Variants in BANK1 observed in about 807,000 individuals in gnomAD.
The protein encoded by BANK1 is B cell scaffold protein with ankyrin repeats 1.
In BANK1, 95 loss-of-function variants were observed where a neutral mutation model predicts 94.5. The ratio of observed to expected loss-of-function variants is 1.00; its 90% CI spans 0.85 to 1.19. The LOEUF is 1.19. Among genes scored for constraint, BANK1 ranks in the 50% most tolerant of loss-of-function variants. The pLI is 0.00. For synonymous variants in BANK1, 334 were observed against 308.4 expected, an observed-to-expected ratio of 1.08 and a Z score of -0.87; for missense variants, 987 against 932.2, an observed-to-expected ratio of 1.06 and a Z score of -0.77.
chr4:101,917,175 C>T (rs1167155268), intron 6 of BANK1, among the ~76,000 whole-genome samples: 1 of 151,946 alleles, frequency 6.6e-6, no homozygotes, highest in Admixed American at 6.6e-5. Context: ...TCCTTTGATT[C>T]TGTGGCTATA....
chr4:101,824,681 T>TG (rs1726297554), intron 1 of BANK1, among the ~76,000 whole-genome samples: 1 of 151,764 alleles, frequency 6.6e-6, no homozygotes, highest in African/African-American at 2.4e-5. Context: ...TTTTTTTTTG[T>TG]AATTTTTGGC....
At position 101,862,610 on chromosome 4, in the gene BANK1, A is replaced by G. The variant is rs199571267; in HGVS notation, c.709A>G (p.Ile237Val). The change falls in exon 4 of 17, where the codon ATT (isoleucine) becomes GTT (valine). Residue 237 changes from isoleucine (I) to valine (V), a missense_variant. Transcript: ENST00000322953. ...TGAATTTACATCAAGTAATAAGCGC[A>G]TTAGAACACGGCCAGCCCTTTGGAA... Reference protein sequence around the residue: ...EVEFTSSNKRIRTRPALWNKK... With the variant: ...EVEFTSSNKRVRTRPALWNKK... 2.2e-5 allele frequency: 36 copies of G among 1,611,546 alleles called. No individual in the cohort carries two copies. In the Admixed American group the frequency reaches 3.5e-4, roughly 16 times the overall value.
intron 7 of BANK1, among the ~76,000 whole-genome samples, chr4:101,997,543 C>A (rs1725921086): frequency 6.6e-6 from 1 of 152,080 alleles, no homozygotes; most frequent in African/African-American, 2.4e-5. Context: ...GTGAATCCAT[C>A]TGGTACTAGG....
At chr4:101,879,933 A>G (rs1728616403) in intron 5 of BANK1, among the ~76,000 whole-genome samples, 1 of 152,074 alleles carries the variant, frequency 6.6e-6, no homozygotes, top group Admixed American at 6.5e-5. Context: ...GATAGGAGGA[A>G]CATACCTTGA....
At chr4:101,849,758 C>T (rs1342574633) in intron 2 of BANK1, among the ~76,000 whole-genome samples, 1 of 152,064 alleles carries the variant, frequency 6.6e-6, no homozygotes, top group African/African-American at 2.4e-5. Flanking sequence ...GTTATCTAAA[C>T]ATCAGTGAAG....
At chr4:102,046,024 G>A (rs1489319197) in intron 11 of BANK1, among the ~76,000 whole-genome samples, 19 of 148,040 alleles carry the variant, frequency 1.3e-4, no homozygotes, top group South Asian at 2.2e-4. Flanking sequence ...GAGGCATCAC[G>A]CTACCTGACT....
At chr4:101,923,255 ATC>A (rs1052458764) in intron 7 of BANK1, among the ~76,000 whole-genome samples, 2 of 151,712 alleles carry the variant, frequency 1.3e-5, no homozygotes, top group Non-Finnish European at 2.9e-5. Flanking sequence ...TGCATCATTA[ATC>A]TCTCTCATTA....
chr4:101,961,553 G>A (rs1724570651), intron 7 of BANK1, among the ~76,000 whole-genome samples: 1 of 152,078 alleles, frequency 6.6e-6, no homozygotes, highest in African/African-American at 2.4e-5. Context: ...CCTCCTCATT[G>A]TCAGTTTCCC....
chr4:101,817,067 T>C (rs1725944768), intron 1 of BANK1, among the ~76,000 whole-genome samples: 1 of 152,126 alleles, frequency 6.6e-6, no homozygotes, highest in Non-Finnish European at 1.5e-5. Context: ...GAGCCCTTTT[T>C]TGCTCCTACT....
At chr4:102,063,715 G>A (rs550984126) in intron 13 of BANK1, among the ~76,000 whole-genome samples, 1 of 151,438 alleles carries the variant, frequency 6.6e-6, no homozygotes, top group African/African-American at 2.4e-5. Flanking sequence ...CCAGCTACTC[G>A]GGATGCTGAG....
At chr4:101,990,175 G>A (rs1180662250) in intron 7 of BANK1, among the ~76,000 whole-genome samples, 1 of 152,090 alleles carries the variant, frequency 6.6e-6, no homozygotes, top group African/African-American at 2.4e-5. Context: ...AAGCATCTGA[G>A]GTACTATTTG....
chr4:102,005,150 G>T (rs1423519940), intron 7 of BANK1, among the ~76,000 whole-genome samples: 2 of 151,892 alleles, frequency 1.3e-5, no homozygotes, highest in African/African-American at 4.8e-5. Flanking sequence ...ATGGTCTCTG[G>T]GGAAAAGAAA....
At chr4:101,942,757 G>T (rs1723798004) in intron 7 of BANK1, among the ~76,000 whole-genome samples, 1 of 151,746 alleles carries the variant, frequency 6.6e-6, no homozygotes, top group Non-Finnish European at 1.5e-5. Flanking sequence ...AGAAAAGGTA[G>T]AAAAATAGCA....
intron 5 of BANK1, among the ~76,000 whole-genome samples, chr4:101,894,045 A>C (rs538535501): frequency 6.6e-6 from 1 of 152,070 alleles, no homozygotes; most frequent in South Asian, 2.1e-4. Flanking sequence ...CTCAATTTGG[A>C]GCATGTCTTC....
chr4:101,880,655 T>C (rs1164127653), intron 5 of BANK1, among the ~76,000 whole-genome samples: 2 of 151,952 alleles, frequency 1.3e-5, no homozygotes, highest in Admixed American at 6.6e-5. Context: ...ATGAATAACA[T>C]TACCTAACTT....
chr4:101,915,293 A>G (rs1193765419), intron 6 of BANK1, among the ~76,000 whole-genome samples: 1 of 152,164 alleles, frequency 6.6e-6, no homozygotes, highest in Admixed American at 6.6e-5. Context: ...ATTAAATTTT[A>G]TAGGTTTAAT....
chr4:101,790,741 G>C lies in BANK1; in HGVS notation c.-140G>C. ...GGGCTGCGTTTCCTGAGACCTGGCCGCAGCCTCCGCGGGTGGCAAGCGGGC... is the reference window on the plus strand; with the variant it reads ...GGGCTGCGTTTCCTGAGACCTGGCCCCAGCCTCCGCGGGTGGCAAGCGGGC... On this transcript the variant is annotated 5_prime_UTR_variant, in exon 1 of 17. Coordinates refer to ENST00000322953, the MANE Select transcript of BANK1 (RefSeq NM_017935.5). 1.1e-6 allele frequency: 1 copy of C among 918,248 alleles called. No homozygotes were observed. Among genetic ancestry groups the C allele is most frequent in the Non-Finnish European group, 1.7e-6 (1 of 596,230 alleles). 56.9% of individuals were successfully genotyped at this position (918,248 alleles called of 1,614,324 possible). A position where few individuals can be genotyped will look rare whatever the true frequency, so the allele number is the denominator to read the frequency against.
At chr4:102,002,022 C>T (rs748742897) in intron 7 of BANK1, among the ~76,000 whole-genome samples, 7 of 152,230 alleles carry the variant, frequency 4.6e-5, no homozygotes, top group Non-Finnish European at 8.8e-5. Flanking sequence ...GACTGCATTG[C>T]GGCAGCCTGT....
chr4:102,015,567 A>G (rs751816216), intron 7 of BANK1, among the ~76,000 whole-genome samples: 11 of 152,200 alleles, frequency 7.2e-5, no homozygotes, highest in Non-Finnish European at 1.5e-4. Context: ...TGTGATTTTA[A>G]TCAGTGTCTT....
Sources: allele counts gnomAD v4.1 joint callset (sites outside exome capture counted in the v4.1 genomes callset), GRCh38; gene constraint gnomAD v4.1.1; transcripts MANE v1.5; gene names NCBI Gene and HGNC (gene_info 2026-07-23, HGNC 2026-07-21).